Variants in MTUS1 observed in about 807,000 individuals in gnomAD.
MTUS1 encodes the protein microtubule associated scaffold protein 1.
A neutral mutation model predicts 120.8 loss-of-function variants in MTUS1; 109 were observed. The ratio of observed to expected loss-of-function variants is 0.90; its 90% CI spans 0.77 to 1.06. MTUS1 has a LOEUF of 1.06. MTUS1 is among the 50% of genes least tolerant of loss of function. The probability of loss-of-function intolerance (pLI) is 0.00; values close to 1 mark genes in which losing one functional copy is unlikely to be tolerated. For synonymous variants in MTUS1, 737 were observed against 550.5 expected, an observed-to-expected ratio of 1.34 and a Z score of -4.74; for missense variants, 2,210 against 1,486.3, an observed-to-expected ratio of 1.49 and a Z score of -8.01.
chr8:17,732,412 C>T (rs1050765045), intron 3 of MTUS1, among the ~76,000 whole-genome samples: 2 of 152,184 alleles, frequency 1.3e-5, no homozygotes, highest in Non-Finnish European at 2.9e-5. Context: ...TACTTGGCTT[C>T]AGGGATGCCC....
chr8:17,755,896 G>A lies in MTUS1; in HGVS notation c.-89C>T. ...GTGGGCAAAATGGTCTGTCTTCTAGGTTTTTCAGCACAGTTGAAAGGTTTT... is the reference window on the plus strand; with the variant it reads ...GTGGGCAAAATGGTCTGTCTTCTAGATTTTTCAGCACAGTTGAAAGGTTTT... On this transcript the variant is annotated 5_prime_UTR_variant, in exon 2 of 15. Coordinates refer to ENST00000693296, the MANE Select transcript of MTUS1 (RefSeq NM_001363059.2). The A allele has an allele frequency of 6.7e-7, 1 of 1,503,016 alleles. No individual in the cohort carries two copies. Among genetic ancestry groups the A allele is most frequent in the Admixed American group, 2.3e-5 (1 of 44,098 alleles). The allele number at this position is 1,503,016 out of a possible 1,614,324, so 93.1% of individuals were successfully genotyped here.
intron 4 of MTUS1, among the ~76,000 whole-genome samples, chr8:17,720,113 C>T (rs2045712099): frequency 6.6e-6 from 1 of 151,994 alleles, no homozygotes; most frequent in Non-Finnish European, 1.5e-5. Flanking sequence ...GGGAGGCAGA[C>T]GCAGGCATAT....
At chr8:17,672,254 C>G (rs906765173) in intron 8 of MTUS1, among the ~76,000 whole-genome samples, 1 of 152,220 alleles carries the variant, frequency 6.6e-6, no homozygotes, top group South Asian at 2.1e-4. Context: ...CATCCTAATA[C>G]CTATTATTTA....
chr8:17,676,990 G>A lies in MTUS1; in HGVS notation c.2839-1738C>T, dbSNP rs111858598. On this transcript the variant is annotated intron_variant, in intron 7 of 14. Coordinates refer to ENST00000693296, the MANE Select transcript of MTUS1 (RefSeq NM_001363059.2). Reference sequence around the variant, plus strand: ...AGAGCTACGGAAGTCAAGTCTAAACGCCAGCACTGAAACGTGGTCAGCAGG... The same window carrying A: ...AGAGCTACGGAAGTCAAGTCTAAACACCAGCACTGAAACGTGGTCAGCAGG... Among the ~76,000 whole-genome samples, 329 of 152,252 alleles carry A rather than the reference G, an allele frequency of 2.2e-3. 3 individuals carry two copies. The highest frequency in any genetic ancestry group is 7.7e-3 in the African/African-American group (321 of 41,552).
chr8:17,674,687 C>A, intron 8 of MTUS1: 1 of 987,402 alleles, frequency 1.0e-6, no homozygotes, highest in Non-Finnish European at 1.2e-6. Context: ...GAACCATCAG[C>A]CCCCCTCCAA....
intron 2 of MTUS1, among the ~76,000 whole-genome samples, chr8:17,747,552 C>A (rs555990260): frequency 6.6e-6 from 1 of 152,290 alleles, no homozygotes; most frequent in South Asian, 2.1e-4. Context: ...AAACCCACAG[C>A]CTAAAGTGAG....
chr8:17,689,397 G>C (rs546786794), intron 6 of MTUS1, among the ~76,000 whole-genome samples: 1 of 152,196 alleles, frequency 6.6e-6, no homozygotes, highest in Admixed American at 6.5e-5. Context: ...AAGCAGATTA[G>C]AGAATAGAAA....
At chr8:17,646,598 A>G (rs1191561052) in intron 14 of MTUS1, among the ~76,000 whole-genome samples, 1 of 152,160 alleles carries the variant, frequency 6.6e-6, no homozygotes, top group South Asian at 2.1e-4. Flanking sequence ...AAAAAAATAT[A>G]TAATAATAAC....
At chr8:17,751,217 T>G (rs1257404336) in intron 2 of MTUS1, among the ~76,000 whole-genome samples, 2 of 152,026 alleles carry the variant, frequency 1.3e-5, no homozygotes, top group Non-Finnish European at 2.9e-5. Flanking sequence ...GAGAAATGCG[T>G]GAACCTGGGA....
At chr8:17,665,864 CT>C (rs1810789745) in intron 8 of MTUS1, among the ~76,000 whole-genome samples, 1 of 152,108 alleles carries the variant, frequency 6.6e-6, no homozygotes. Context: ...CTTTCCCCCC[CT>C]ATACTGGGTA....
intron 3 of MTUS1, among the ~76,000 whole-genome samples, chr8:17,741,453 C>G (rs182891250): frequency 6.6e-6 from 1 of 152,110 alleles, no homozygotes; most frequent in African/African-American, 2.4e-5. Flanking sequence ...CCCAGTAAAA[C>G]GTAATTAGTT....
rs73578497 is a variant in MTUS1 at position 17,712,694 on chromosome 8, G to A, written c.2623+520C>T. Among the ~76,000 whole-genome samples, 1,187 of 152,184 alleles carry A rather than the reference G, an allele frequency of 7.8e-3. 8 individuals carry two copies. Among genetic ancestry groups the A allele is most frequent in the African/African-American group, 0.026 (1,083 of 41,530 alleles). On this transcript the variant is annotated intron_variant, in intron 6 of 14. Transcript: ENST00000693296. ...TCCATCCATCCAAAGTATAGGAATCGCAGTGAAGATATTTTGTGAAATCTT... is the reference window on the plus strand; with the variant it reads ...TCCATCCATCCAAAGTATAGGAATCACAGTGAAGATATTTTGTGAAATCTT...
chr8:17,718,701 T>G (rs78335589), intron 4 of MTUS1, among the ~76,000 whole-genome samples: 2 of 152,002 alleles, frequency 1.3e-5, no homozygotes, highest in African/African-American at 4.8e-5. Context: ...TTGTCATCTT[T>G]GGTCCCAACT....
At chr8:17,732,866 G>A (rs961129705) in intron 3 of MTUS1, among the ~76,000 whole-genome samples, 1 of 151,978 alleles carries the variant, frequency 6.6e-6, no homozygotes, top group African/African-American at 2.4e-5. Flanking sequence ...ATCTGAGCGG[G>A]CCTCACTGCC....
chr8:17,726,669 C>A (rs1424037344), intron 3 of MTUS1, among the ~76,000 whole-genome samples: 1 of 152,106 alleles, frequency 6.6e-6, no homozygotes, highest in African/African-American at 2.4e-5. Flanking sequence ...CAATAATTAG[C>A]AACTGTTAGA....
chr8:17,659,481 G>A (rs1282343725), intron 8 of MTUS1, among the ~76,000 whole-genome samples: 1 of 152,176 alleles, frequency 6.6e-6, no homozygotes, highest in Non-Finnish European at 1.5e-5. Flanking sequence ...CAGATCATGA[G>A]GTCAAAATAT....
At chr8:17,796,246 C>A (rs1294539032) in intron 1 of MTUS1, among the ~76,000 whole-genome samples, 1 of 272 alleles carries the variant, frequency 3.7e-3, no homozygotes, top group African/African-American at 0.011. Flanking sequence ...CCACGCCCAG[C>A]CCCAAGAACA....
chr8:17,740,800 C>A (rs758426043), intron 3 of MTUS1, among the ~76,000 whole-genome samples: 8 of 152,170 alleles, frequency 5.3e-5, no homozygotes, highest in Non-Finnish European at 1.0e-4. Context: ...CAAGGGCCCT[C>A]TTCCTGGCAT....
intron 8 of MTUS1, chr8:17,674,970 G>T: frequency 7.4e-7 from 1 of 1,342,416 alleles, no homozygotes; most frequent in Non-Finnish European, 9.5e-7. Context: ...AGTTCTGCTA[G>T]GCTTAGTCAG....
Sources: gnomAD v4.1 joint callset for allele counts (sites outside exome capture counted in the v4.1 genomes callset) on GRCh38, gnomAD v4.1.1 for gene constraint, MANE v1.5 for transcripts, NCBI Gene and HGNC (gene_info 2026-07-23, HGNC 2026-07-21) for gene names.